The following RIMS1 variants were observed in gnomAD, a reference collection of about 807,000 sequenced individuals.
The protein encoded by RIMS1 is regulating synaptic membrane exocytosis 1, also known as regulating synaptic membrane exocytosis protein 1.
A neutral mutation model predicts 214.1 loss-of-function variants in RIMS1; 83 were observed. The observed-to-expected ratio is 0.39, with a 90% confidence interval of 0.32 to 0.47. RIMS1 has a LOEUF of 0.47. Among genes scored for constraint, RIMS1 ranks in the 20% least tolerant of loss-of-function variants. RIMS1 has a pLI of 0.99. For synonymous variants in RIMS1, 793 were observed against 786.8 expected, an observed-to-expected ratio of 1.01 and a Z score of -0.13; for missense variants, 2,050 against 2,161.8, an observed-to-expected ratio of 0.95 and a Z score of 1.03.
At chr6:71,937,287 G>A (rs193029596) in intron 1 of RIMS1, among the ~76,000 whole-genome samples, 43 of 152,256 alleles carry the variant, frequency 2.8e-4, no homozygotes, top group African/African-American at 9.9e-4. Context: ...TTGAGGTAGA[G>A]TCTTACTGTG....
intron 6 of RIMS1, among the ~76,000 whole-genome samples, chr6:72,191,634 C>A (rs1309853295): frequency 3.3e-5 from 5 of 152,192 alleles, no homozygotes; most frequent in Non-Finnish European, 7.3e-5. Context: ...CAGCTGAAGG[C>A]AAATTGCTTT....
intron 1 of RIMS1, among the ~76,000 whole-genome samples, chr6:71,963,894 TATTC>T (rs1793693738): frequency 6.6e-6 from 1 of 152,232 alleles, no homozygotes; most frequent in African/African-American, 2.4e-5. Context: ...TTATCTTCTT[TATTC>T]ATTTAACAAA....
chr6:72,180,667 T>C (rs2048290955), intron 5 of RIMS1, among the ~76,000 whole-genome samples: 1 of 152,238 alleles, frequency 6.6e-6, no homozygotes, highest in South Asian at 2.1e-4. Context: ...GGAAAAAGTG[T>C]TGACAAAGAA....
At chr6:71,919,460 A>T (rs1373924011) in intron 1 of RIMS1, among the ~76,000 whole-genome samples, 1 of 123,248 alleles carries the variant, frequency 8.1e-6, no homozygotes, top group Non-Finnish European at 2.0e-5. Flanking sequence ...TGGCATATTG[A>T]AATGCCAGCT....
chr6:72,329,126 A>G (rs1309231772), intron 28 of RIMS1, among the ~76,000 whole-genome samples: 2 of 151,954 alleles, frequency 1.3e-5, no homozygotes, highest in Non-Finnish European at 2.9e-5. Context: ...GGTTAAATCT[A>G]GAAGCCAGGA....
chr6:71,890,597 ACTT>A (rs1253300631), intron 1 of RIMS1, among the ~76,000 whole-genome samples: 2 of 60,516 alleles, frequency 3.3e-5, no homozygotes, highest in Non-Finnish European at 5.8e-5. Flanking sequence ...AAAAAAAAAA[ACTT>A]CATAGAGAAA....
chr6:72,103,510 G>A (rs1457773495), intron 4 of RIMS1, among the ~76,000 whole-genome samples: 1 of 152,024 alleles, frequency 6.6e-6, no homozygotes, highest in African/African-American at 2.4e-5. Flanking sequence ...TATTAAATAA[G>A]GATTCATAGT....
At chr6:72,062,413 T>A (rs529766729) in intron 2 of RIMS1, among the ~76,000 whole-genome samples, 107 of 152,328 alleles carry the variant, frequency 7.0e-4, no homozygotes, top group African/African-American at 2.5e-3. Flanking sequence ...AAACCTTTGT[T>A]AAGTACTGAC....
At chr6:72,162,863 G>T (rs1421340848) in intron 4 of RIMS1, among the ~76,000 whole-genome samples, 3 of 138,982 alleles carry the variant, frequency 2.2e-5, no homozygotes, top group Non-Finnish European at 4.9e-5. Flanking sequence ...ACAATTATGT[G>T]TCTTGGAGTT....
intron 6 of RIMS1, chr6:72,216,804 G>T: frequency 4.0e-6 from 4 of 991,866 alleles, no homozygotes; most frequent in Non-Finnish European, 3.6e-6. Context: ...CTGGCTTCAG[G>T]AAGGTAGCAG....
At chr6:72,356,200 G>A (rs16882331) in intron 29 of RIMS1, among the ~76,000 whole-genome samples, 2,295 of 151,954 alleles carry the variant, frequency 0.015, 45 homozygotes, top group African/African-American at 0.053. Context: ...TCTTTGGAAC[G>A]TATGAACTAA....
At chr6:72,308,639 CAT>C (rs34411552) in intron 27 of RIMS1, among the ~76,000 whole-genome samples, 82 of 152,154 alleles carry the variant, frequency 5.4e-4, no homozygotes, top group Non-Finnish European at 1.0e-3. Flanking sequence ...ACCATAGAGT[CAT>C]GTGTGTTTGA....
At chr6:72,389,932 C>T (rs970615285) in intron 29 of RIMS1, among the ~76,000 whole-genome samples, 1 of 152,166 alleles carries the variant, frequency 6.6e-6, no homozygotes, top group Non-Finnish European at 1.5e-5. Context: ...ACACCCCAAA[C>T]TGCCAGTCAG....
At chr6:71,889,092 GCAGACAGCAGGTGGATGGAGGCCTC>G (rs1395531071) in intron 1 of RIMS1, among the ~76,000 whole-genome samples, 1 of 152,176 alleles carries the variant, frequency 6.6e-6, no homozygotes, top group African/African-American at 2.4e-5. Context: ...GCTGTTTGCT[GCAGACAGCAGGTGGATGGAGGCCTC>G]CAGTAGCTAG....
At chr6:71,967,115 G>T (rs192323524) in intron 1 of RIMS1, among the ~76,000 whole-genome samples, 1 of 152,136 alleles carries the variant, frequency 6.6e-6, no homozygotes, top group Non-Finnish European at 1.5e-5. Flanking sequence ...GCGGCCAGGC[G>T]CAGTGGCTCA....
chr6:72,357,679 A>G (rs968841544), intron 29 of RIMS1, among the ~76,000 whole-genome samples: 6 of 152,172 alleles, frequency 3.9e-5, no homozygotes, highest in African/African-American at 1.4e-4. Context: ...CTTGTTTTTC[A>G]CAACAGTGAC....
intron 29 of RIMS1, among the ~76,000 whole-genome samples, chr6:72,361,899 C>A (rs2097841539): frequency 6.6e-6 from 1 of 152,158 alleles, no homozygotes; most frequent in Non-Finnish European, 1.5e-5. Context: ...TTCCCCATTG[C>A]CATGTAACAT....
chr6:72,054,101 TG>T (rs1238080288), intron 2 of RIMS1, among the ~76,000 whole-genome samples: 1 of 151,176 alleles, frequency 6.6e-6, no homozygotes, highest in Non-Finnish European at 1.5e-5. Context: ...AAACTGGCCC[TG>T]GTATGTGTTG....
chr6:72,265,237 C>T (rs1207309411), intron 20 of RIMS1, among the ~76,000 whole-genome samples, 153 bp from the exon 21 acceptor site: 1 of 152,102 alleles, frequency 6.6e-6, no homozygotes, highest in Non-Finnish European at 1.5e-5. Context: ...ATCGTTTTAA[C>T]TATAAAACTT....
Sources: allele counts gnomAD v4.1 joint callset (sites outside exome capture counted in the v4.1 genomes callset), GRCh38; gene constraint gnomAD v4.1.1; transcripts MANE v1.5; gene names NCBI Gene and HGNC (gene_info 2026-07-23, HGNC 2026-07-21).